Variants in SLC5A12 observed in about 807,000 individuals in gnomAD.
The protein encoded by SLC5A12 is solute carrier family 5 member 12.
SLC5A12 carries 46 observed loss-of-function variants against 72.7 expected under a neutral mutation model. That is an observed-to-expected ratio of 0.63 (90% CI 0.50 to 0.81). The LOEUF is 0.81. Ranked by LOEUF, SLC5A12 falls within the 30% of genes least tolerant of loss-of-function variation. SLC5A12 has a pLI of 0.00. For missense variants in SLC5A12, 683 were observed against 740.7 expected (o/e 0.92, Z 0.90); for synonymous variants, 275 against 264.4 (o/e 1.04, Z -0.39).
intron 5 of SLC5A12, 44 bp from the exon 6 acceptor site, chr11:26,703,715 T>G: frequency 6.2e-7 from 1 of 1,613,150 alleles, no homozygotes; most frequent in East Asian, 2.2e-5. Context: ...ATTCCTTTGA[T>G]GCCTAAGATA....
At chr11:26,671,510 A>G (rs1854142715) in intron 14 of SLC5A12, among the ~76,000 whole-genome samples, 2 of 152,214 alleles carry the variant, frequency 1.3e-5, no homozygotes, top group East Asian at 1.9e-4. Flanking sequence ...AGAAATTTAT[A>G]TACCTCTCAT....
intron 11 of SLC5A12, among the ~76,000 whole-genome samples, chr11:26,682,354 A>AC (rs1854429870): frequency 6.6e-6 from 1 of 152,068 alleles, no homozygotes; most frequent in Non-Finnish European, 1.5e-5. Context: ...TCGTTTGCTG[A>AC]CCCCTGGCCT....
chr11:26,712,738 T>C (rs1855261940), intron 1 of SLC5A12, 32 bp from the exon 2 acceptor site: 1 of 1,538,046 alleles, frequency 6.5e-7, no homozygotes, highest in Non-Finnish European at 8.9e-7. Flanking sequence ...GCAGAGTCAG[T>C]GAGGTTTAGA....
chr11:26,671,257 G>T lies in SLC5A12; in HGVS notation c.1708-6C>A. 1.3e-6 allele frequency: 2 copies of T among 1,587,982 alleles called. No homozygotes were observed. Among genetic ancestry groups the T allele is most frequent in the Non-Finnish European group, 1.7e-6 (2 of 1,167,624 alleles). ...CTGCCATTCTCAAGGTTTTCCTGAG[G>T]GAAATACAAAGACACATATTAGCAA... On this transcript the variant is annotated splice_region_variant and splice_polypyrimidine_tract_variant and intron_variant, in intron 14 of 14. Coordinates refer to ENST00000396005, the MANE Select transcript of SLC5A12 (RefSeq NM_178498.4).
In SLC5A12 at chr11:26,668,731, T is replaced by A. The variant is rs1854057058; in HGVS notation, c.*2371A>T. 1 of 152,032 alleles carries A rather than the reference T, an allele frequency of 6.6e-6. No homozygotes were observed. The highest frequency in any genetic ancestry group is 1.5e-5 in the Non-Finnish European group (1 of 67,982). The allele number at this position is 152,032 out of a possible 1,614,324, so 9.4% of individuals were successfully genotyped here. A position where few individuals can be genotyped will look rare whatever the true frequency, so the allele number is the denominator to read the frequency against. ...AATGGGGGGAGTCTCTACATTGACC[T>A]CTAAAATCTCTTGAAATGTCATCTC... On this transcript the variant is annotated 3_prime_UTR_variant, in exon 15 of 15. Coordinates refer to ENST00000396005, the MANE Select transcript of SLC5A12 (RefSeq NM_178498.4).
At position 26,668,190 on chromosome 11, in the gene SLC5A12, G is replaced by A. The variant is rs190287490; in HGVS notation, c.*2912C>T. The A allele has an allele frequency of 2.0e-5, 3 of 152,086 alleles. No individual in the cohort carries two copies. In the East Asian group the frequency reaches 5.8e-4, roughly 29 times the overall value. 9.4% of individuals were successfully genotyped at this position (152,086 alleles called of 1,614,324 possible). ...CTCACCTCAATCATAAGCTGTTGTAGTTCTTATTCCAAATGGTGACAAAAA... is the reference window on the plus strand; with the variant it reads ...CTCACCTCAATCATAAGCTGTTGTAATTCTTATTCCAAATGGTGACAAAAA... On this transcript the variant is annotated 3_prime_UTR_variant, in exon 15 of 15. Coordinates refer to ENST00000396005, the MANE Select transcript of SLC5A12 (RefSeq NM_178498.4).
chr11:26,685,400 T>C (rs1223297389), intron 10 of SLC5A12, among the ~76,000 whole-genome samples: 1 of 152,032 alleles, frequency 6.6e-6, no homozygotes, highest in African/African-American at 2.4e-5. Flanking sequence ...CTGGTGGATC[T>C]CTTGAGGTCA....
At chr11:26,712,602 C>G (rs1273026361) in intron 2 of SLC5A12, 39 bp downstream of exon 2, 1 of 1,456,300 alleles carries the variant, frequency 6.9e-7, no homozygotes, top group Admixed American at 1.7e-5. Context: ...ATCTAGTAAC[C>G]TCACAGTTTC....
At position 26,721,370 on chromosome 11, in the gene SLC5A12, T is replaced by C; in HGVS notation, c.339+6A>G. The C allele has an allele frequency of 6.3e-7, 1 of 1,578,110 alleles. No homozygotes were observed. The highest frequency in any genetic ancestry group is 8.6e-7 in the Non-Finnish European group (1 of 1,162,370). On this transcript the variant is annotated splice_donor_region_variant and intron_variant, in intron 1 of 14. Transcript: ENST00000396005. ...AAATTAGAGAAGAATGGAGAAATCA[T>C]CTTACCTCATAAGTGCTGGTGATAC...
Position 26,721,759 on chromosome 11 carries a change from GGAA to G in SLC5A12, c.-48_-46del, listed in dbSNP as rs775091917. The G allele has an allele frequency of 1.4e-5, 21 of 1,551,658 alleles. No individual in the cohort carries two copies. The highest frequency in any genetic ancestry group is 7.2e-5 in the South Asian group (6 of 82,890). On this transcript the variant is annotated 5_prime_UTR_variant, in exon 1 of 15. Coordinates refer to ENST00000396005, the MANE Select transcript of SLC5A12 (RefSeq NM_178498.4). The stretch of plus-strand genomic sequence containing the variant: ...GAGAGTTTCTTTCAACGAGGTCTCA[GGAA>G]GAAGATGTTTCCAAAAGCAAAGTTC...
rs71449136 is a variant in SLC5A12 at position 26,671,047 on chromosome 11, T to TTG, written c.*53_*54dup. The TTG allele has an allele frequency of 5.4e-4, 737 of 1,353,204 alleles. No homozygotes were observed. Among genetic ancestry groups the TTG allele is most frequent in the African/African-American group, 2.6e-3 (180 of 68,090 alleles). The allele number at this position is 1,353,204 out of a possible 1,614,324, so 83.8% of individuals were successfully genotyped here. On this transcript the variant is annotated 3_prime_UTR_variant, in exon 15 of 15. Coordinates refer to ENST00000396005, the MANE Select transcript of SLC5A12 (RefSeq NM_178498.4). ...CAAGTAGGCAAGAAGTATGTGGAGT[T>TTG]TGTGTGTGTGTGTGTGTATTGCACG...
chr11:26,677,676 T>G (rs1854296512), intron 13 of SLC5A12, among the ~76,000 whole-genome samples: 1 of 152,174 alleles, frequency 6.6e-6, no homozygotes, highest in Non-Finnish European at 1.5e-5. Flanking sequence ...AGTCTATTCT[T>G]TATCATAGCC....
At position 26,703,942 on chromosome 11, in the gene SLC5A12, T is replaced by C. The variant is rs1389694336; in HGVS notation, c.531A>G (p.Gly177=). ...IVCTFYCTLG[G]LKAVVWTDAF... is the part of the protein sequence containing the mutation. ...CATCTGTCCACACCACTGCTTTTAATCCTCCCTGAAATAGAGAGAATGTTT... is the reference window on the plus strand; with the variant it reads ...CATCTGTCCACACCACTGCTTTTAACCCTCCCTGAAATAGAGAGAATGTTT... The change falls in exon 5 of 15, where the codon GGA becomes GGG. Residue 177 remains glycine (G), a synonymous_variant. Coordinates refer to ENST00000396005, the MANE Select transcript of SLC5A12 (RefSeq NM_178498.4). 3.1e-6 allele frequency: 5 copies of C among 1,613,484 alleles called. No homozygotes were observed. Among genetic ancestry groups the C allele is most frequent in the African/African-American group, 1.3e-5 (1 of 74,876 alleles).
At chr11:26,703,989 G>A in intron 4 of SLC5A12, 42 bp from the exon 5 acceptor site, 1 of 1,608,114 alleles carries the variant, frequency 6.2e-7, no homozygotes, top group Non-Finnish European at 8.5e-7. Flanking sequence ...AACAAACCCT[G>A]TAACTGTACT....
chr11:26,686,422 GA>G, intron 10 of SLC5A12, 54 bp downstream of exon 10: 1 of 1,517,208 alleles, frequency 6.6e-7, no homozygotes, highest in Non-Finnish European at 9.2e-7. Context: ...GACATTAAAA[GA>G]GAGTGGGGGG....
intron 9 of SLC5A12, among the ~76,000 whole-genome samples, chr11:26,690,362 G>C (rs1034035833): frequency 1.3e-5 from 2 of 151,856 alleles, no homozygotes; most frequent in African/African-American, 4.8e-5. Flanking sequence ...TATAAAACAA[G>C]ATGGTACACT....
At chr11:26,682,765 TA>T (rs1302633913) in intron 11 of SLC5A12, among the ~76,000 whole-genome samples, 3 of 152,178 alleles carry the variant, frequency 2.0e-5, no homozygotes, top group African/African-American at 7.2e-5. Flanking sequence ...AGTTAGCTCA[TA>T]TTTTTTGTGG....
chr11:26,691,225 T>C (rs946466116), intron 9 of SLC5A12, among the ~76,000 whole-genome samples: 6 of 151,980 alleles, frequency 3.9e-5, no homozygotes, highest in Non-Finnish European at 8.8e-5. Context: ...AAAGCAAAAA[T>C]CTGATGCCAT....
chr11:26,701,420 A>G (rs1365324568), intron 6 of SLC5A12, among the ~76,000 whole-genome samples: 2 of 152,296 alleles, frequency 1.3e-5, no homozygotes, highest in African/African-American at 2.4e-5. Context: ...ATTTGTTAGG[A>G]AATTATGTAC....
Sources: allele counts gnomAD v4.1 joint callset (sites outside exome capture counted in the v4.1 genomes callset), GRCh38; gene constraint gnomAD v4.1.1; transcripts MANE v1.5; gene names NCBI Gene and HGNC (gene_info 2026-07-23, HGNC 2026-07-21).